Variants in FHIT observed in about 807,000 individuals in gnomAD.
FHIT encodes the protein bis(5'-adenosyl)-triphosphatase.
Under a neutral mutation model 17.9 loss-of-function variants are expected in FHIT, and 19 were observed. The ratio of observed to expected loss-of-function variants is 1.06; its 90% CI spans 0.74 to 1.56. The LOEUF is 1.56. FHIT is among the 40% of genes most tolerant of loss of function. The pLI is 0.00. For missense variants in FHIT, 248 were observed against 189.2 expected, an observed-to-expected ratio of 1.31 and a Z score of -1.82; for synonymous variants, 81 against 69.7, an observed-to-expected ratio of 1.16 and a Z score of -0.81.
intron 4 of FHIT, among the ~76,000 whole-genome samples, chr3:60,625,520 A>G (rs2039261341): frequency 6.6e-6 from 1 of 151,874 alleles, no homozygotes; most frequent in Admixed American, 6.6e-5. Context: ...AGTGATGCTG[A>G]GTATCTTTTT....
At chr3:60,523,605 C>T (rs541234659) in intron 5 of FHIT, among the ~76,000 whole-genome samples, 41 of 152,296 alleles carry the variant, frequency 2.7e-4, no homozygotes, top group African/African-American at 9.6e-4. Flanking sequence ...AAATTGCTTA[C>T]AGAGCTGCTC....
chr3:60,116,375 G>A lies in FHIT; in HGVS notation c.104-102223C>T, dbSNP rs547014832. The stretch of plus-strand genomic sequence containing the variant: ...TGGAACAGTGGCACAAAGTATTCTC[G>A]ATAGCGGGCATCACCATTTGAACTC... On this transcript the variant is annotated intron_variant, in intron 5 of 9. Coordinates refer to ENST00000492590, the MANE Select transcript of FHIT (RefSeq NM_002012.4). Among the ~76,000 whole-genome samples, 8 of 152,264 alleles carry A rather than the reference G, an allele frequency of 5.3e-5. No individual in the cohort carries two copies. In the East Asian group the frequency reaches 7.7e-4, roughly 15 times the overall value.
chr3:60,954,237 G>A (rs1383036527), intron 3 of FHIT, among the ~76,000 whole-genome samples: 1 of 152,164 alleles, frequency 6.6e-6, no homozygotes, highest in Non-Finnish European at 1.5e-5. Flanking sequence ...CCTTTGCTAT[G>A]CTTTCCCCAG....
chr3:61,224,127 T>G (rs2039907159), intron 1 of FHIT, among the ~76,000 whole-genome samples: 1 of 152,336 alleles, frequency 6.6e-6, no homozygotes, highest in Non-Finnish European at 1.5e-5. Context: ...TTAATAGATC[T>G]GGGAAATAAG....
chr3:60,358,425 A>G (rs1284084257), intron 5 of FHIT, among the ~76,000 whole-genome samples: 10 of 152,216 alleles, frequency 6.6e-5, no homozygotes, highest in Admixed American at 6.5e-4. Context: ...AGAAAAAAGC[A>G]AAGAAGAAAA....
chr3:60,423,166 GGTAGA>G (rs1200580235), intron 5 of FHIT, among the ~76,000 whole-genome samples: 2 of 152,048 alleles, frequency 1.3e-5, no homozygotes, highest in Non-Finnish European at 2.9e-5. Context: ...CACTATAGAT[GGTAGA>G]GTAGAGAGAC....
intron 7 of FHIT, among the ~76,000 whole-genome samples, chr3:60,008,877 T>C (rs112660265): frequency 3.9e-5 from 6 of 152,320 alleles, no homozygotes; most frequent in African/African-American, 1.4e-4. Context: ...TATGTGGCCA[T>C]TGCCACTCAA....
intron 7 of FHIT, among the ~76,000 whole-genome samples, chr3:59,958,149 A>G (rs1185203099): frequency 1.3e-5 from 2 of 152,220 alleles, no homozygotes; most frequent in African/African-American, 4.8e-5. Flanking sequence ...TAGCTGGAAC[A>G]TGTATCTGTC....
At chr3:60,093,200 C>T (rs985405816) in intron 5 of FHIT, among the ~76,000 whole-genome samples, 3 of 152,222 alleles carry the variant, frequency 2.0e-5, no homozygotes, top group East Asian at 1.9e-4. Flanking sequence ...TTGAGCCTGA[C>T]GCAGGTCTAA....
chr3:59,902,692 C>G (rs1704386676), intron 8 of FHIT, among the ~76,000 whole-genome samples: 3 of 152,106 alleles, frequency 2.0e-5, no homozygotes, highest in Admixed American at 1.3e-4. Flanking sequence ...ATAAGCCAGA[C>G]ACAGAAAGAA....
At chr3:60,221,567 T>C (rs528108698) in intron 5 of FHIT, among the ~76,000 whole-genome samples, 1 of 152,332 alleles carries the variant, frequency 6.6e-6, no homozygotes, top group South Asian at 2.1e-4. Context: ...CTTCTGGTCA[T>C]TTCCCACAAG....
intron 3 of FHIT, among the ~76,000 whole-genome samples, chr3:60,875,198 G>T (rs1012130628): frequency 1.3e-5 from 2 of 152,022 alleles, no homozygotes; most frequent in Admixed American, 6.6e-5. Context: ...CAAAGAAATA[G>T]GTCTGACTAC....
At chr3:60,496,166 A>G (rs1481979315) in intron 5 of FHIT, among the ~76,000 whole-genome samples, 2 of 152,148 alleles carry the variant, frequency 1.3e-5, no homozygotes, top group Admixed American at 6.5e-5. Context: ...TTTTAGTATC[A>G]AAGGCACTAT....
rs141113934 is a variant in FHIT at position 61,229,594 on chromosome 3, C to T, written c.-213+21707G>A. Reference sequence around the variant, plus strand: ...CTAATAACTCTAGCCCTCTGAGAACCAGGCCCTCATTAGGAAACTGGAGAC... The same window carrying T: ...CTAATAACTCTAGCCCTCTGAGAACTAGGCCCTCATTAGGAAACTGGAGAC... On this transcript the variant is annotated intron_variant, in intron 1 of 9. Coordinates refer to ENST00000492590, the MANE Select transcript of FHIT (RefSeq NM_002012.4). 3.6e-3 allele frequency among the ~76,000 whole-genome samples: 542 copies of T among 152,266 alleles called. 3 individuals are homozygous for T. The highest frequency in any genetic ancestry group is 0.012 in the African/African-American group (517 of 41,534).
At chr3:61,131,107 T>C (rs932462635) in intron 2 of FHIT, among the ~76,000 whole-genome samples, 1 of 152,242 alleles carries the variant, frequency 6.6e-6, no homozygotes, top group African/African-American at 2.4e-5. Flanking sequence ...TTACCTCTAC[T>C]ATCCCTTAGA....
At chr3:60,076,220 A>C (rs995984793) in intron 5 of FHIT, among the ~76,000 whole-genome samples, 1 of 152,102 alleles carries the variant, frequency 6.6e-6, no homozygotes, top group African/African-American at 2.4e-5. Flanking sequence ...TCCCTTTTCC[A>C]CATCCACTTT....
chr3:59,997,244 A>G (rs1699551041), intron 7 of FHIT, among the ~76,000 whole-genome samples: 1 of 152,144 alleles, frequency 6.6e-6, no homozygotes, highest in Non-Finnish European at 1.5e-5. Flanking sequence ...AAAGGCATTG[A>G]TGATTCTTTA....
intron 3 of FHIT, among the ~76,000 whole-genome samples, chr3:60,956,861 A>G (rs961912617): frequency 6.6e-6 from 1 of 152,208 alleles, no homozygotes; most frequent in South Asian, 2.1e-4. Flanking sequence ...GTTAGGCCAC[A>G]GGCTTCTACT....
At chr3:60,631,564 CACTT>C (rs1234332828) in intron 4 of FHIT, among the ~76,000 whole-genome samples, 1 of 152,134 alleles carries the variant, frequency 6.6e-6, no homozygotes, top group African/African-American at 2.4e-5. Flanking sequence ...AAAAAATTAA[CACTT>C]AGAGAAGAGG....
Sources: allele counts gnomAD v4.1 joint callset (sites outside exome capture counted in the v4.1 genomes callset), GRCh38; gene constraint gnomAD v4.1.1; transcripts MANE v1.5; gene names NCBI Gene and HGNC (gene_info 2026-07-23, HGNC 2026-07-21).